The following MAP3K15 variants were observed in gnomAD, a reference collection of about 807,000 sequenced individuals.
MAP3K15 encodes mitogen-activated protein kinase kinase kinase 15.
Under a neutral mutation model 99.5 loss-of-function variants are expected in MAP3K15, and 124 were observed. The ratio of observed to expected loss-of-function variants is 1.25; its 90% CI spans 1.08 to 1.45. MAP3K15 has a LOEUF of 1.45. MAP3K15 is among the 40% of genes most tolerant of loss of function. The pLI, the probability that MAP3K15 is intolerant of heterozygous loss-of-function variation, is 0.00. For synonymous variants in MAP3K15, 494 were observed against 439.6 expected, an observed-to-expected ratio of 1.12 and a Z score of -1.55; for missense variants, 1,242 against 1,079.7, an observed-to-expected ratio of 1.15 and a Z score of -2.11.
intron 1 of MAP3K15, among the ~76,000 whole-genome samples, chrX:19,492,709 G>A (rs1192725012): frequency 4.5e-5 from 5 of 111,970 alleles, no homozygotes; most frequent in African/African-American, 1.6e-4. Flanking sequence ...GCTCACGCCT[G>A]TAATCCCAGC....
rs185527494 is a variant in MAP3K15 at position 19,373,603 on chromosome X, C to G, written c.2866G>C (p.Asp956His). The G allele has an allele frequency of 2.2e-5, 26 of 1,186,790 alleles. No homozygotes were observed. The highest frequency in any genetic ancestry group is 2.8e-5 in the Non-Finnish European group (25 of 884,590). ...SEHGSVSPDS[D>H]AQPDALFERT... ...TCAAAGAGTGCGTCAGGCTGGGCGT[C>G]GGAGTCTGGGGAGACAGAGCCGTGC... The change falls in exon 21 of 29, where the codon GAC becomes CAC. Residue 956 changes from aspartate (D) to histidine (H), a missense_variant. Coordinates refer to ENST00000338883, the MANE Select transcript of MAP3K15 (RefSeq NM_001001671.4).
chrX:19,515,228 C>T lies in MAP3K15; in HGVS notation c.34G>A (p.Ala12Thr). 1.1e-6 allele frequency: 1 copy of T among 891,119 alleles called. No individual in the cohort carries two copies. Among genetic ancestry groups the T allele is most frequent in the Non-Finnish European group, 1.4e-6 (1 of 725,952 alleles). The allele number at this position is 891,119 out of a possible 1,213,427, so 73.4% of individuals were successfully genotyped here. ...GGGGACTCGCTCGCCGCCCCGAGGG[C>T]CCCGGCCGGAGCATTCCCACCGCCG... ...ESGGGNAPAGALGAASESPQC... is the reference protein window; with the variant it reads ...ESGGGNAPAGTLGAASESPQC... Residue 12 changes from alanine to threonine, a missense_variant, in exon 1 of 29, where the codon GCC becomes ACC. By Grantham distance (58) the Ala-to-Thr change is moderately conservative (BLOSUM62 0). Transcript: ENST00000338883.
chrX:19,374,966 CAG>C (rs1196397808), intron 19 of MAP3K15, among the ~76,000 whole-genome samples: 1 of 111,130 alleles, frequency 9.0e-6, no homozygotes, highest in African/African-American at 3.3e-5. Context: ...GACCACCATG[CAG>C]AGAGGAAGCC....
intron 12 of MAP3K15, 105 bp from the exon 13 acceptor site, chrX:19,407,388 A>G (rs2063655965): frequency 2.2e-6 from 1 of 464,102 alleles, no homozygotes; most frequent in Non-Finnish European, 3.5e-6. Context: ...AAGATTCATT[A>G]ATGTTTTAAA....
In MAP3K15 at chrX:19,460,070, G is replaced by A; in HGVS notation, c.803C>T (p.Ala268Val). ...YQGEELAKEL[A>V]RIKLRMDNTE... ...ATTATCCATGCGGAGCTTGATCCGA[G>A]CTAGCTCCTTCGCCAGTTCCTCACC... The change falls in exon 5 of 29, where the codon GCT becomes GTT. Residue 268 changes from alanine (A) to valine (V), a missense_variant. Physicochemically the swap from Ala to Val is moderately conservative, Grantham distance 64 (BLOSUM62 0). Transcript: ENST00000338883. The A allele has an allele frequency of 8.4e-7, 1 of 1,195,008 alleles. No individual in the cohort carries two copies. Among genetic ancestry groups the A allele is most frequent in the Non-Finnish European group, 1.1e-6 (1 of 891,071 alleles).
At chrX:19,474,705 T>A (rs1323821699) in intron 3 of MAP3K15, among the ~76,000 whole-genome samples, 1 of 111,165 alleles carries the variant, frequency 9.0e-6, no homozygotes, top group Admixed American at 9.6e-5. Flanking sequence ...AGTCACAGAC[T>A]TTTTCATATC....
At chrX:19,415,939 A>T (rs1602288179) in intron 9 of MAP3K15, among the ~76,000 whole-genome samples, 1 of 112,200 alleles carries the variant, frequency 8.9e-6, no homozygotes, top group African/African-American at 3.2e-5. Context: ...TCAAAACTGC[A>T]TAAAATTAAC....
rs772069589 is a variant in MAP3K15, at chrX:19,488,977, A to G, written c.362-10T>C. Reference sequence around the variant, plus strand: ...TCTACCACAGCAACATCTGCAATGAACAAGGAGAGGACAGGATTAGGGGAG... The same window carrying G: ...TCTACCACAGCAACATCTGCAATGAGCAAGGAGAGGACAGGATTAGGGGAG... On this transcript the variant is annotated splice_polypyrimidine_tract_variant and intron_variant, in intron 1 of 28. Transcript: ENST00000338883. The G allele has an allele frequency of 4.9e-5, 59 of 1,194,082 alleles. No homozygotes were observed. The Admixed American group carries it at 1.2e-3, about 25-fold the overall frequency.
chrX:19,420,396 A>G (rs1326569970), intron 9 of MAP3K15, among the ~76,000 whole-genome samples: 4 of 111,912 alleles, frequency 3.6e-5, no homozygotes, highest in Non-Finnish European at 7.5e-5. Context: ...CCATCAGAGA[A>G]TACTACAAAC....
chrX:19,392,975 T>C (rs2063537986), intron 16 of MAP3K15, among the ~76,000 whole-genome samples: 1 of 110,340 alleles, frequency 9.1e-6, no homozygotes, highest in African/African-American at 3.3e-5. Flanking sequence ...CTGGAGGAAG[T>C]TGGGTCTCTC....
chrX:19,436,805 G>A (rs1208487057), intron 6 of MAP3K15, among the ~76,000 whole-genome samples: 1 of 111,505 alleles, frequency 9.0e-6, no homozygotes, highest in Admixed American at 9.6e-5. Flanking sequence ...AGCCTCCCAA[G>A]TAGCTGGGAT....
At chrX:19,466,458 G>A (rs966168346) in intron 3 of MAP3K15, among the ~76,000 whole-genome samples, 1 of 111,069 alleles carries the variant, frequency 9.0e-6, no homozygotes, top group Middle Eastern at 4.6e-3. Context: ...TTTTATAAGG[G>A]GCTCTTCCCC....
Position 19,360,603 on chromosome X carries a change from G to A in MAP3K15, c.*146C>T, listed in dbSNP as rs1336831895. ...CAGGTTTCAAAAGAAACTCAGGACA[G>A]TATTTAAAACAAGTTCTTAAACTAT... On this transcript the variant is annotated 3_prime_UTR_variant, in exon 29 of 29. Transcript: ENST00000338883. The A allele has an allele frequency of 1.1e-5, 5 of 458,732 alleles. No individual in the cohort carries two copies. Among genetic ancestry groups the A allele is most frequent in the Non-Finnish European group, 1.5e-5 (4 of 267,211 alleles). The allele number at this position is 458,732 out of a possible 1,213,427, so 37.8% of individuals were successfully genotyped here.
intron 3 of MAP3K15, among the ~76,000 whole-genome samples, chrX:19,473,702 G>A (rs760343886): frequency 1.2e-4 from 13 of 111,491 alleles, no homozygotes; most frequent in African/African-American, 2.9e-4. Flanking sequence ...GATAGGAAGC[G>A]GAGGAATTTT....
chrX:19,376,076 T>C (rs1285061548), intron 19 of MAP3K15, among the ~76,000 whole-genome samples: 1 of 111,896 alleles, frequency 8.9e-6, no homozygotes, highest in Non-Finnish European at 1.9e-5. Flanking sequence ...ACAGCAAATG[T>C]GGGCAGCACA....
chrX:19,372,946 CAAG>C, intron 21 of MAP3K15, 119 bp from the exon 22 acceptor site: 2 of 686,376 alleles, frequency 2.9e-6, no homozygotes, highest in South Asian at 2.9e-5. Flanking sequence ...TCCCTGTGCT[CAAG>C]AAGATGAAAT....
chrX:19,407,046 A>G (rs1291011715), intron 13 of MAP3K15, 142 bp downstream of exon 13: 5 of 399,681 alleles, frequency 1.3e-5, no homozygotes, highest in Non-Finnish European at 2.1e-5. Flanking sequence ...TGTGAATTAC[A>G]GAAATTTTAG....
intron 9 of MAP3K15, 37 bp from the exon 10 acceptor site, chrX:19,415,294 A>G (rs898487946): frequency 3.7e-6 from 4 of 1,089,322 alleles, no homozygotes; most frequent in African/African-American, 1.9e-5. Context: ...TTGGATTCCT[A>G]AAGAAACTGA....
rs752626087 is a variant in MAP3K15, at chrX:19,495,686, C to A, written c.362-6719G>T. Among the ~76,000 whole-genome samples the A allele has an allele frequency of 6.3e-5, 7 of 111,878 alleles. No homozygotes were observed. The East Asian group carries it at 2.0e-3, about 31-fold the overall frequency. On this transcript the variant is annotated intron_variant, in intron 1 of 28. Coordinates refer to ENST00000338883, the MANE Select transcript of MAP3K15 (RefSeq NM_001001671.4). ...GCTCAATGGGCTTAATTTGAGACCA[C>A]TCAAAGTGAAATATTTGCAATATAC...
Sources: allele counts gnomAD v4.1 joint callset (sites outside exome capture counted in the v4.1 genomes callset), GRCh38; gene constraint gnomAD v4.1.1; transcripts MANE v1.5; gene names NCBI Gene and HGNC (gene_info 2026-07-23, HGNC 2026-07-21).